The following CLIC4 variants were observed in gnomAD, a reference collection of about 807,000 sequenced individuals.
CLIC4 encodes CLIC family member 4.
A neutral mutation model predicts 24.6 loss-of-function variants in CLIC4; 13 were observed. That is an observed-to-expected ratio of 0.53 (90% CI 0.34 to 0.84). The LOEUF is 0.84. CLIC4 is among the 40% of genes least tolerant of loss of function. The pLI is 0.01. For synonymous variants in CLIC4, 104 were observed against 111.3 expected (o/e 0.93, Z 0.41); for missense variants, 227 against 301.7 (o/e 0.75, Z 1.83).
In CLIC4 at chr1:24,844,280, T is replaced by C. The variant is rs945780266; in HGVS notation, c.*3343T>C. On this transcript the variant is annotated 3_prime_UTR_variant, in exon 6 of 6. Transcript: ENST00000374379. Reference sequence around the variant, plus strand: ...TATTTTCACTATCATAAAGGATTCTTTTTTCCCCCCTCATGAAAATAAACA... The same window carrying C: ...TATTTTCACTATCATAAAGGATTCTCTTTTCCCCCCTCATGAAAATAAACA... 6.6e-6 allele frequency: 1 copy of C among 152,610 alleles called. No individual in the cohort carries two copies. Among genetic ancestry groups the C allele is most frequent in the Non-Finnish European group, 1.5e-5 (1 of 68,008 alleles). 9.5% of individuals were successfully genotyped at this position (152,610 alleles called of 1,614,324 possible).
chr1:24,822,915 A>G (rs1639749988), intron 3 of CLIC4, among the ~76,000 whole-genome samples: 1 of 152,172 alleles, frequency 6.6e-6, no homozygotes, highest in South Asian at 2.1e-4. Flanking sequence ...TAGGGCACCC[A>G]GGGACCATTC....
intron 4 of CLIC4, among the ~76,000 whole-genome samples, chr1:24,828,694 T>TGGGGGGGGGGGGGGGGGG (rs1557814753): frequency 1.1e-5 from 1 of 87,202 alleles, no homozygotes; most frequent in Non-Finnish European, 2.7e-5. Context: ...TGGGGCGGGG[T>TGGGGGGGGGGGGGGGGGG]GGGGGTGGGG....
intron 2 of CLIC4, among the ~76,000 whole-genome samples, chr1:24,801,833 A>T (rs1331341843): frequency 1.3e-5 from 2 of 152,238 alleles, no homozygotes; most frequent in Admixed American, 6.5e-5. Context: ...GAACCCCTTT[A>T]GTTATGTATA....
intron 1 of CLIC4, among the ~76,000 whole-genome samples, chr1:24,780,307 C>T (rs1244230544): frequency 2.0e-5 from 3 of 152,214 alleles, no homozygotes; most frequent in Non-Finnish European, 4.4e-5. Flanking sequence ...AGGCACTTTG[C>T]CTTCAGTCCT....
intron 3 of CLIC4, 119 bp from the exon 4 acceptor site, chr1:24,826,891 T>C: frequency 1.6e-6 from 1 of 607,674 alleles, no homozygotes; most frequent in Non-Finnish European, 2.9e-6. Context: ...CAAATGATGG[T>C]ATTTCTTATA....
At chr1:24,819,168 CA>C (rs1234694971) in intron 3 of CLIC4, among the ~76,000 whole-genome samples, 1 of 152,058 alleles carries the variant, frequency 6.6e-6, no homozygotes, top group African/African-American at 2.4e-5. Context: ...TAAAATTCTA[CA>C]AGCCTATCCT....
intron 4 of CLIC4, among the ~76,000 whole-genome samples, chr1:24,827,819 G>A (rs1045543050): frequency 3.3e-5 from 5 of 151,382 alleles, no homozygotes; most frequent in African/African-American, 9.7e-5. Flanking sequence ...GGTCTCTTTG[G>A]AAGAGGTTCC....
intron 2 of CLIC4, among the ~76,000 whole-genome samples, chr1:24,813,493 A>G (rs1639637732): frequency 1.3e-5 from 2 of 151,694 alleles, no homozygotes; most frequent in Non-Finnish European, 2.9e-5. Flanking sequence ...TTCTCAGCTC[A>G]CTGCAACCTC....
At chr1:24,753,414 T>G (rs1553188675) in intron 1 of CLIC4, among the ~76,000 whole-genome samples, 1 of 152,196 alleles carries the variant, frequency 6.6e-6, no homozygotes, top group Non-Finnish European at 1.5e-5. Context: ...GGTCCATGCT[T>G]AAAGAGTCAA....
chr1:24,798,022 A>G, intron 2 of CLIC4, 171 bp downstream of exon 2: 1 of 533,348 alleles, frequency 1.9e-6, no homozygotes, highest in Non-Finnish European at 3.3e-6. Flanking sequence ...TCACGCTGTC[A>G]GTATACTGCG....
chr1:24,770,522 A>T (rs965071379), intron 1 of CLIC4, among the ~76,000 whole-genome samples: 1 of 152,182 alleles, frequency 6.6e-6, no homozygotes, highest in Admixed American at 6.5e-5. Context: ...TACCAAACTG[A>T]TTAGTCTTAT....
At chr1:24,821,552 C>T (rs1198391972) in intron 3 of CLIC4, among the ~76,000 whole-genome samples, 1 of 151,790 alleles carries the variant, frequency 6.6e-6, no homozygotes, top group Non-Finnish European at 1.5e-5. Flanking sequence ...TTGTTTTGTT[C>T]TGTTTTTGTT....
chr1:24,780,836 C>T (rs1275078011), intron 1 of CLIC4, among the ~76,000 whole-genome samples: 2 of 151,960 alleles, frequency 1.3e-5, no homozygotes, highest in African/African-American at 4.8e-5. Context: ...GCCTGTAATC[C>T]CAGTGCTTTG....
At chr1:24,754,378 G>C (rs1200122465) in intron 1 of CLIC4, among the ~76,000 whole-genome samples, 1 of 152,202 alleles carries the variant, frequency 6.6e-6, no homozygotes, top group African/African-American at 2.4e-5. Context: ...AGTAAGGATG[G>C]TGAGCCATCC....
chr1:24,755,977 A>G (rs960898105), intron 1 of CLIC4, among the ~76,000 whole-genome samples: 5 of 147,398 alleles, frequency 3.4e-5, no homozygotes, highest in African/African-American at 1.3e-4. Flanking sequence ...ACGCACCACC[A>G]TGCCCAGCTA....
intron 4 of CLIC4, among the ~76,000 whole-genome samples, chr1:24,836,166 G>A (rs921625490): frequency 2.0e-5 from 3 of 152,126 alleles, no homozygotes; most frequent in Non-Finnish European, 4.4e-5. Flanking sequence ...GGTTAATCAG[G>A]AAGATAAAAT....
chr1:24,775,224 C>CTTTTTTTTTTTTTTTTT, intron 1 of CLIC4, among the ~76,000 whole-genome samples: 11 of 90,660 alleles, frequency 1.2e-4, no homozygotes, highest in African/African-American at 2.6e-4. Context: ...TTCTTTCTTT[C>CTTTTTTTTTTTTTTTTT]TTTTTTTTTT....
At position 24,844,267 on chromosome 1, in the gene CLIC4, C is replaced by T. The variant is rs1639970794; in HGVS notation, c.*3330C>T. 6.6e-6 allele frequency: 1 copy of T among 152,532 alleles called. No homozygotes were observed. Among genetic ancestry groups the T allele is most frequent in the Non-Finnish European group, 1.5e-5 (1 of 67,998 alleles). The allele number at this position is 152,532 out of a possible 1,614,324, so 9.4% of individuals were successfully genotyped here. A position where few individuals can be genotyped will look rare whatever the true frequency, so the allele number is the denominator to read the frequency against. ...AAAAAATAAAGTATATTTTCACTAT[C>T]ATAAAGGATTCTTTTTTCCCCCCTC... On this transcript the variant is annotated 3_prime_UTR_variant, in exon 6 of 6. Transcript: ENST00000374379.
intron 1 of CLIC4, among the ~76,000 whole-genome samples, chr1:24,771,474 A>G (rs1041211111): frequency 6.6e-6 from 1 of 152,100 alleles, no homozygotes; most frequent in Non-Finnish European, 1.5e-5. Flanking sequence ...TTTTAAATTT[A>G]AAAAATTATT....
Sources: gnomAD v4.1 joint callset for allele counts (sites outside exome capture counted in the v4.1 genomes callset) on GRCh38, gnomAD v4.1.1 for gene constraint, MANE v1.5 for transcripts, NCBI Gene and HGNC (gene_info 2026-07-23, HGNC 2026-07-21) for gene names.